The following TRMT9B variants were observed in gnomAD, a reference collection of about 807,000 sequenced individuals.
The protein encoded by TRMT9B is tRNA methyltransferase 9B (putative), also known as probable tRNA methyltransferase 9B.
In TRMT9B, 16 loss-of-function variants were observed where a neutral mutation model predicts 11.5. The ratio of observed to expected loss-of-function variants is 1.39; its 90% CI spans 0.94 to 2.11. The LOEUF (loss-of-function observed/expected upper bound fraction) is 2.11. TRMT9B is among the 30% of genes most tolerant of loss of function. The pLI is 0.00. For synonymous variants in TRMT9B, 274 were observed against 192.4 expected, an observed-to-expected ratio of 1.42 and a Z score of -3.51; for missense variants, 941 against 553.8, an observed-to-expected ratio of 1.70 and a Z score of -7.02.
intron 1 of TRMT9B, among the ~76,000 whole-genome samples, chr8:12,948,206 G>C (rs1305218280): frequency 6.6e-6 from 1 of 151,886 alleles, no homozygotes; most frequent in South Asian, 2.1e-4. Context: ...ACCTGCAATT[G>C]GGCAAAACCA....
chr8:12,982,034 T>C (rs1238496207), intron 1 of TRMT9B, among the ~76,000 whole-genome samples: 2 of 152,194 alleles, frequency 1.3e-5, no homozygotes, highest in Non-Finnish European at 2.9e-5. Context: ...GTCTGTGAAA[T>C]TATGGTAATA....
intron 1 of TRMT9B, among the ~76,000 whole-genome samples, chr8:12,978,266 C>G (rs1291660675): frequency 1.6e-4 from 24 of 152,288 alleles, no homozygotes; most frequent in Admixed American, 9.1e-4. Context: ...GGTGAGCTCC[C>G]TGCTACCTTG....
rs1308101529 is a variant in TRMT9B, at chr8:13,023,949, T to C, written c.*1905T>C. 1.8e-5 allele frequency: 3 copies of C among 167,030 alleles called. No homozygotes were observed. The highest frequency in any genetic ancestry group is 7.2e-5 in the African/African-American group (3 of 41,438). 10.3% of individuals were successfully genotyped at this position (167,030 alleles called of 1,614,324 possible). A position where few individuals can be genotyped will look rare whatever the true frequency, so the allele number is the denominator to read the frequency against. ...TCTGGTGAAAATGATGCATATGAGT[T>C]GTACTGTTCAGTGTACATCCTGCAG... On this transcript the variant is annotated 3_prime_UTR_variant, in exon 5 of 5. Transcript: ENST00000524591.
chr8:12,967,024 C>G (rs770846057), intron 1 of TRMT9B, among the ~76,000 whole-genome samples: 50 of 152,182 alleles, frequency 3.3e-4, no homozygotes, highest in Non-Finnish European at 6.9e-4. Flanking sequence ...GGTGAATACT[C>G]CCAAGGTGTG....
At chr8:13,012,254 G>C (rs1312986044) in intron 3 of TRMT9B, 1 of 985,362 alleles carries the variant, frequency 1.0e-6, no homozygotes, top group Non-Finnish European at 1.2e-6. Flanking sequence ...TTCACACCAT[G>C]TTGTATTCTG....
chr8:12,955,500 C>G (rs1315870963), intron 1 of TRMT9B, among the ~76,000 whole-genome samples: 1 of 152,116 alleles, frequency 6.6e-6, no homozygotes, highest in Non-Finnish European at 1.5e-5. Context: ...TCGGCATCAA[C>G]CCTAAGCCGT....
chr8:13,024,218 T>C lies in TRMT9B; in HGVS notation c.*2174T>C, dbSNP rs1814405041. On this transcript the variant is annotated 3_prime_UTR_variant, in exon 5 of 5. Coordinates refer to ENST00000524591, the MANE Select transcript of TRMT9B (RefSeq NM_020844.3). ...ACCACGACGCCCGGCTGTTTTTTTG[T>C]ATTTTTAGGAGAGACGGGGTTTCAC... The C allele has an allele frequency of 6.5e-6, 1 of 153,752 alleles. No homozygotes were observed. Among genetic ancestry groups the C allele is most frequent in the Non-Finnish European group, 1.5e-5 (1 of 68,094 alleles). 9.5% of individuals were successfully genotyped at this position (153,752 alleles called of 1,614,324 possible).
At chr8:13,011,233 A>T in intron 3 of TRMT9B, 2 of 878,528 alleles carry the variant, frequency 2.3e-6, no homozygotes, top group Non-Finnish European at 2.7e-6. Flanking sequence ...TGATCCGCCC[A>T]CCACAGCCTC....
intron 2 of TRMT9B, among the ~76,000 whole-genome samples, chr8:12,993,076 T>C (rs1807663365): frequency 6.6e-6 from 1 of 152,098 alleles, no homozygotes; most frequent in Admixed American, 6.5e-5. Context: ...AGCAAGTCCC[T>C]CTCGGGAAAA....
intron 1 of TRMT9B, among the ~76,000 whole-genome samples, chr8:12,989,462 C>T (rs907334952): frequency 4.6e-5 from 7 of 152,144 alleles, no homozygotes; most frequent in African/African-American, 7.2e-5. Flanking sequence ...CTGATTTGGG[C>T]GTATAGACAA....
rs368341207 is a variant in TRMT9B at position 13,021,657 on chromosome 8, A to T, written c.978A>T (p.Ala326=). The stretch of plus-strand genomic sequence containing the variant: ...GAAAACACTTGGAGTGGCTGAGAGC[A>T]CCAGGCACTCTGAAACATTTAAATG... ...SSGKHLEWLR[A]PGTLKHLNGD... Residue 326 remains alanine (A), a synonymous_variant, in exon 5 of 5, where the codon GCA becomes GCT. Coordinates refer to ENST00000524591, the MANE Select transcript of TRMT9B (RefSeq NM_020844.3). 3.7e-5 allele frequency: 60 copies of T among 1,613,894 alleles called. No individual in the cohort carries two copies. In the African/African-American group the frequency reaches 7.7e-4, roughly 21 times the overall value.
chr8:12,997,626 T>A (rs187498576), intron 2 of TRMT9B, among the ~76,000 whole-genome samples: 3 of 152,346 alleles, frequency 2.0e-5, no homozygotes, highest in Non-Finnish European at 2.9e-5. Context: ...CACAATTTAT[T>A]TGATCATTTT....
chr8:12,952,312 T>C, intron 1 of TRMT9B: 1 of 355,914 alleles, frequency 2.8e-6, no homozygotes, highest in South Asian at 1.9e-5. Context: ...GCGCGACAGG[T>C]CGTCTAGCGC....
intron 3 of TRMT9B, chr8:13,012,371 G>A (rs1162754455): frequency 1.9e-5 from 13 of 679,550 alleles, no homozygotes; most frequent in Non-Finnish European, 2.4e-5. Flanking sequence ...GAGGTTGGGA[G>A]TTCGAGACCA....
At chr8:12,963,114 T>G (rs185228945) in intron 1 of TRMT9B, among the ~76,000 whole-genome samples, 13 of 152,352 alleles carry the variant, frequency 8.5e-5, no homozygotes, top group African/African-American at 3.1e-4. Context: ...AGCTTTTTAT[T>G]ACAGGTAAAT....
intron 1 of TRMT9B, among the ~76,000 whole-genome samples, chr8:12,956,624 G>A (rs970218487): frequency 2.6e-5 from 4 of 152,130 alleles, no homozygotes; most frequent in African/African-American, 9.7e-5. Context: ...AAGGAAGAAA[G>A]TAATGTACTG....
At chr8:13,004,487 G>C (rs553239898) in intron 2 of TRMT9B, among the ~76,000 whole-genome samples, 28 of 151,940 alleles carry the variant, frequency 1.8e-4, no homozygotes, top group Non-Finnish European at 3.8e-4. Context: ...AGCTGCGGTA[G>C]GATAGGGCCC....
chr8:12,981,953 A>C (rs996101057), intron 1 of TRMT9B, among the ~76,000 whole-genome samples: 5 of 152,188 alleles, frequency 3.3e-5, no homozygotes, highest in Non-Finnish European at 7.4e-5. Flanking sequence ...AATTCTGTTC[A>C]ATTTCAAAGG....
intron 1 of TRMT9B, among the ~76,000 whole-genome samples, chr8:12,969,593 G>A (rs1803299743): frequency 6.6e-6 from 1 of 151,916 alleles, no homozygotes; most frequent in African/African-American, 2.4e-5. Context: ...TTGTAATAAT[G>A]TATCTCTTAT....
Sources: gnomAD v4.1 joint callset for allele counts (sites outside exome capture counted in the v4.1 genomes callset) on GRCh38, gnomAD v4.1.1 for gene constraint, MANE v1.5 for transcripts, NCBI Gene and HGNC (gene_info 2026-07-23, HGNC 2026-07-21) for gene names.